Variants in ENTHD1 observed in about 807,000 individuals in gnomAD.
ENTHD1 encodes the protein ENTH domain containing 1, also known as ENTH domain-containing protein 1.
A neutral mutation model predicts 39.1 loss-of-function variants in ENTHD1; 23 were observed. The ratio of observed to expected loss-of-function variants is 0.59; its 90% CI spans 0.42 to 0.83. The LOEUF is 0.83. Ranked by LOEUF, ENTHD1 falls within the 40% of genes least tolerant of loss-of-function variation. ENTHD1 has a pLI of 0.00. For synonymous variants in ENTHD1, 230 were observed against 258.2 expected, an observed-to-expected ratio of 0.89 and a Z score of 1.05; for missense variants, 624 against 705.4, an observed-to-expected ratio of 0.88 and a Z score of 1.31.
intron 5 of ENTHD1, among the ~76,000 whole-genome samples, chr22:39,788,910 G>C (rs2065481602): frequency 1.3e-5 from 2 of 152,046 alleles, no homozygotes; most frequent in Admixed American, 1.3e-4. Context: ...TTTTAATTAA[G>C]GTGTATACAT....
At chr22:39,771,739 C>A (rs1474091048) in intron 5 of ENTHD1, among the ~76,000 whole-genome samples, 1 of 151,606 alleles carries the variant, frequency 6.6e-6, no homozygotes, top group Non-Finnish European at 1.5e-5. Context: ...CTATATCCAG[C>A]AACAATATTC....
intron 4 of ENTHD1, among the ~76,000 whole-genome samples, chr22:39,834,282 T>C (rs1247317227): frequency 6.6e-6 from 1 of 152,054 alleles, no homozygotes. Flanking sequence ...CAAAACTCAA[T>C]GGTAAAAAGA....
chr22:39,759,048 T>C (rs1008882557), intron 6 of ENTHD1, among the ~76,000 whole-genome samples: 2 of 152,216 alleles, frequency 1.3e-5, no homozygotes, highest in African/African-American at 4.8e-5. Context: ...GTGTAAATTT[T>C]TGAGGAATAT....
intron 6 of ENTHD1, among the ~76,000 whole-genome samples, chr22:39,764,177 G>A (rs1389462084): frequency 3.9e-5 from 6 of 152,014 alleles, no homozygotes; most frequent in East Asian, 1.9e-4. Context: ...AAAGATTCAC[G>A]TTAAAATCTT....
At chr22:39,879,679 A>G (rs1198656760) in intron 2 of ENTHD1, among the ~76,000 whole-genome samples, 1 of 152,102 alleles carries the variant, frequency 6.6e-6, no homozygotes, top group Non-Finnish European at 1.5e-5. Context: ...GCTGGTGGGA[A>G]TGCAAAATGG....
At chr22:39,844,557 G>A (rs2065971966) in intron 3 of ENTHD1, among the ~76,000 whole-genome samples, 1 of 152,070 alleles carries the variant, frequency 6.6e-6, no homozygotes, top group African/African-American at 2.4e-5. Flanking sequence ...CACCCAGTAC[G>A]CAATGAGGTT....
chr22:39,875,803 C>A, intron 2 of ENTHD1: 1 of 1,613,420 alleles, frequency 6.2e-7, no homozygotes. Flanking sequence ...AATGGAGAGG[C>A]AAACCCCTGT....
At chr22:39,763,828 T>G (rs1259741652) in intron 6 of ENTHD1, among the ~76,000 whole-genome samples, 1 of 152,158 alleles carries the variant, frequency 6.6e-6, no homozygotes, top group African/African-American at 2.4e-5. Context: ...AAAAAGTATT[T>G]TCAATGATCT....
At chr22:39,876,023 G>A in intron 2 of ENTHD1, 1 of 1,613,930 alleles carries the variant, frequency 6.2e-7, no homozygotes, top group Non-Finnish European at 8.5e-7. Flanking sequence ...ACACTATGAT[G>A]CATCTGGCAG....
intron 6 of ENTHD1, among the ~76,000 whole-genome samples, chr22:39,760,705 T>A (rs777350412): frequency 1.3e-5 from 2 of 152,046 alleles, no homozygotes; most frequent in Non-Finnish European, 2.9e-5. Flanking sequence ...TTTCTTCTTT[T>A]GTGTTGATCG....
intron 2 of ENTHD1, among the ~76,000 whole-genome samples, chr22:39,872,721 T>C (rs2066253997): frequency 6.6e-6 from 1 of 152,196 alleles, no homozygotes; most frequent in African/African-American, 2.4e-5. Flanking sequence ...GGGAGTATTA[T>C]ACTAATACAG....
At chr22:39,835,546 T>C (rs2065902113) in intron 4 of ENTHD1, among the ~76,000 whole-genome samples, 1 of 152,070 alleles carries the variant, frequency 6.6e-6, no homozygotes, top group South Asian at 2.1e-4. Flanking sequence ...TTTGACCTTA[T>C]TAATATTTAA....
intron 2 of ENTHD1, among the ~76,000 whole-genome samples, chr22:39,863,026 C>T (rs996719438): frequency 6.6e-6 from 1 of 152,164 alleles, no homozygotes; most frequent in Non-Finnish European, 1.5e-5. Flanking sequence ...AGCATCAAGG[C>T]GCCATCTTGG....
At chr22:39,795,598 T>G (rs1162311807) in intron 5 of ENTHD1, among the ~76,000 whole-genome samples, 1 of 151,296 alleles carries the variant, frequency 6.6e-6, no homozygotes, top group Non-Finnish European at 1.5e-5. Flanking sequence ...TGGCTAATTT[T>G]TTTTTTTTTT....
At chr22:39,875,183 C>G in intron 2 of ENTHD1, 4 of 664,642 alleles carry the variant, frequency 6.0e-6, no homozygotes, top group Non-Finnish European at 6.2e-6. Flanking sequence ...ATGGATGACT[C>G]TCAGAAACAT....
At chr22:39,779,582 A>G (rs949181712) in intron 5 of ENTHD1, among the ~76,000 whole-genome samples, 3 of 152,154 alleles carry the variant, frequency 2.0e-5, no homozygotes, top group African/African-American at 7.2e-5. Context: ...ATTTGAAGGT[A>G]TAAAACCCAC....
intron 5 of ENTHD1, among the ~76,000 whole-genome samples, chr22:39,798,600 G>A (rs1050243556): frequency 6.6e-6 from 1 of 152,344 alleles, no homozygotes; most frequent in Non-Finnish European, 1.5e-5. Context: ...GGAGTGTCAA[G>A]TCAGCCAGTC....
chr22:39,796,448 A>G (rs2065550479), intron 5 of ENTHD1, among the ~76,000 whole-genome samples: 2 of 151,702 alleles, frequency 1.3e-5, no homozygotes, highest in African/African-American at 4.8e-5. Flanking sequence ...TTTTGTAGAG[A>G]TGGTGGAGGT....
At chr22:39,819,434 C>T (rs1018766892) in intron 5 of ENTHD1, among the ~76,000 whole-genome samples, 6 of 150,640 alleles carry the variant, frequency 4.0e-5, no homozygotes, top group African/African-American at 7.3e-5. Flanking sequence ...GCTATCAAGC[C>T]GTGAAAAGAT....
Sources: gnomAD v4.1 joint callset for allele counts (sites outside exome capture counted in the v4.1 genomes callset) on GRCh38, gnomAD v4.1.1 for gene constraint, MANE v1.5 for transcripts, NCBI Gene and HGNC (gene_info 2026-07-23, HGNC 2026-07-21) for gene names.